DNAJC11: variants seen among roughly 807,000 people sequenced by gnomAD.
DNAJC11 encodes DnaJ heat shock protein family (Hsp40) member C11, also known as dnaJ homolog subfamily C member 11.
A neutral mutation model predicts 78.6 loss-of-function variants in DNAJC11; 15 were observed. The ratio of observed to expected loss-of-function variants is 0.19; its 90% CI spans 0.13 to 0.29. The LOEUF is 0.29. Among genes scored for constraint, DNAJC11 ranks in the 10% least tolerant of loss-of-function variants. DNAJC11 has a pLI of 1.00. For missense variants in DNAJC11, 547 were observed against 709.6 expected, an observed-to-expected ratio of 0.77 and a Z score of 2.60; for synonymous variants, 292 against 272.1, an observed-to-expected ratio of 1.07 and a Z score of -0.72.
chr1:6,681,234 T>C (rs1349727242), intron 1 of DNAJC11, among the ~76,000 whole-genome samples, 197 bp from the exon 2 acceptor site: 1 of 152,138 alleles, frequency 6.6e-6, no homozygotes, highest in Admixed American at 6.5e-5. Flanking sequence ...ATTACATACA[T>C]CAATAGGGAC....
chr1:6,638,643 A>G (rs1016249394), intron 11 of DNAJC11, among the ~76,000 whole-genome samples: 4 of 152,178 alleles, frequency 2.6e-5, no homozygotes, highest in African/African-American at 9.7e-5. Context: ...ACCCCACCAC[A>G]GGAGAATTTC....
Position 6,637,270 on chromosome 1 carries a change from C to T in DNAJC11, c.1452G>A (p.Lys484=). 2 of 1,614,190 alleles carry T rather than the reference C, an allele frequency of 1.2e-6. No homozygotes were observed. Among genetic ancestry groups the T allele is most frequent in the Non-Finnish European group, 1.7e-6 (2 of 1,180,038 alleles). ...NDKSRKSEKV[K]VIDVTVPLQC... Reference sequence around the variant, plus strand: ...GCAGGGGCACAGTCACGTCAATCACCTTCACCTTCTCGCTCTTCCTGCTCT... The same window carrying T: ...GCAGGGGCACAGTCACGTCAATCACTTTCACCTTCTCGCTCTTCCTGCTCT... The change falls in exon 14 of 16, where the codon AAG becomes AAA. Residue 484 remains lysine, a synonymous_variant. Transcript: ENST00000377577.
At chr1:6,663,431 TCCACA>T (rs1444823379) in intron 4 of DNAJC11, among the ~76,000 whole-genome samples, 1 of 151,826 alleles carries the variant, frequency 6.6e-6, no homozygotes, top group Non-Finnish European at 1.5e-5. Flanking sequence ...GTGGCTGCCC[TCCACA>T]GAGGGAGAAG....
At chr1:6,698,389 C>T (rs1175958525) in intron 1 of DNAJC11, among the ~76,000 whole-genome samples, 1 of 152,138 alleles carries the variant, frequency 6.6e-6, no homozygotes, top group Non-Finnish European at 1.5e-5. Flanking sequence ...TTCAACTTCA[C>T]GTTTGATTTC....
Position 6,680,806 on chromosome 1 carries a change from T to C in DNAJC11, c.202+102A>G. On this transcript the variant is annotated intron_variant, in intron 2 of 15. Coordinates refer to ENST00000377577, the MANE Select transcript of DNAJC11 (RefSeq NM_018198.4). The surrounding 1 kb of genome is among the most constrained non-coding windows in gnomAD (Gnocchi z 4.0). ...TACTAAACTAACCACCTGTTTTATA[T>C]ACCTCTAAGGACTCTCTTTTTCTAT... The C allele has an allele frequency of 7.1e-7, 1 of 1,409,280 alleles. No individual in the cohort carries two copies. Among genetic ancestry groups the C allele is most frequent in the South Asian group, 1.4e-5 (1 of 69,680 alleles). The allele number at this position is 1,409,280 out of a possible 1,614,324, so 87.3% of individuals were successfully genotyped here.
At chr1:6,701,491 C>T (rs551165182) in intron 1 of DNAJC11, among the ~76,000 whole-genome samples, 2 of 152,222 alleles carry the variant, frequency 1.3e-5, no homozygotes, top group Non-Finnish European at 2.9e-5. Context: ...ACACAGTGCA[C>T]GCGGCGCACT....
At chr1:6,689,725 G>A (rs1237707981) in intron 1 of DNAJC11, among the ~76,000 whole-genome samples, 4 of 151,474 alleles carry the variant, frequency 2.6e-5, no homozygotes, top group Admixed American at 2.0e-4. Flanking sequence ...GTGGTGAGCT[G>A]AGATTGCACC....
intron 4 of DNAJC11, among the ~76,000 whole-genome samples, chr1:6,658,314 G>A (rs1049591233): frequency 2.6e-5 from 4 of 152,238 alleles, no homozygotes; most frequent in African/African-American, 7.2e-5. Context: ...GGAAACGAAT[G>A]AGACAATTAC....
chr1:6,655,602 C>T (rs1642114366), intron 4 of DNAJC11, among the ~76,000 whole-genome samples: 2 of 152,090 alleles, frequency 1.3e-5, no homozygotes, highest in Non-Finnish European at 2.9e-5. Flanking sequence ...GGAGTGGGAT[C>T]ACCTGAGGTC....
intron 3 of DNAJC11, among the ~76,000 whole-genome samples, chr1:6,668,540 C>T (rs1225077927): frequency 1.3e-5 from 2 of 152,126 alleles, no homozygotes; most frequent in South Asian, 2.1e-4. Flanking sequence ...CTGAGACAAT[C>T]GCTAGAGACT....
intron 4 of DNAJC11, among the ~76,000 whole-genome samples, chr1:6,658,372 A>G (rs1006087014): frequency 2.6e-5 from 4 of 152,232 alleles, no homozygotes; most frequent in South Asian, 4.1e-4. Flanking sequence ...TAATCCTGGT[A>G]TATGATCTGG....
At chr1:6,688,148 C>T (rs1642686628) in intron 1 of DNAJC11, among the ~76,000 whole-genome samples, 1 of 152,118 alleles carries the variant, frequency 6.6e-6, no homozygotes, top group African/African-American at 2.4e-5. Context: ...AAAGGACAAG[C>T]CCAGCGAAAG....
chr1:6,659,887 C>T (rs1367724418), intron 4 of DNAJC11, among the ~76,000 whole-genome samples: 4 of 151,974 alleles, frequency 2.6e-5, no homozygotes, highest in Non-Finnish European at 5.9e-5. Context: ...GAAACCCCGC[C>T]TCTACTAAAA....
chr1:6,673,919 A>C (rs1642419811), intron 3 of DNAJC11, among the ~76,000 whole-genome samples: 2 of 152,254 alleles, frequency 1.3e-5, no homozygotes, highest in African/African-American at 4.8e-5. Context: ...TAAATAATGT[A>C]AAGGACTGCA....
intron 10 of DNAJC11, among the ~76,000 whole-genome samples, chr1:6,643,934 G>A (rs1287541758): frequency 6.6e-6 from 1 of 151,814 alleles, no homozygotes; most frequent in African/African-American, 2.4e-5. Context: ...GCAATGGAGC[G>A]ATCCTGGCTC....
At chr1:6,669,730 C>T (rs555128626) in intron 3 of DNAJC11, among the ~76,000 whole-genome samples, 157 of 151,636 alleles carry the variant, frequency 1.0e-3, no homozygotes, top group African/African-American at 3.4e-3. Flanking sequence ...TTGTGTGCAC[C>T]GGTGAGAAAC....
intron 4 of DNAJC11, among the ~76,000 whole-genome samples, chr1:6,655,330 T>G (rs6577584): frequency 0.36 from 54,196 of 152,104 alleles, 9,985 homozygotes; most frequent in African/African-American, 0.42. Flanking sequence ...ACCCATGGAC[T>G]AGAAACATCC....
At chr1:6,687,541 T>C (rs551950336) in intron 1 of DNAJC11, among the ~76,000 whole-genome samples, 1 of 152,134 alleles carries the variant, frequency 6.6e-6, no homozygotes, top group Admixed American at 6.5e-5. Flanking sequence ...TATTTGTTAG[T>C]AGAGACGGGG....
At chr1:6,684,493 T>C (rs896895413) in intron 1 of DNAJC11, among the ~76,000 whole-genome samples, 6 of 152,238 alleles carry the variant, frequency 3.9e-5, no homozygotes, top group Non-Finnish European at 2.9e-5. Flanking sequence ...TATTTCCTGG[T>C]TATTAAAATT....
Sources: allele counts gnomAD v4.1 joint callset (sites outside exome capture counted in the v4.1 genomes callset), GRCh38; gene constraint gnomAD v4.1.1; non-coding constraint Gnocchi (gnomAD v3.1); transcripts MANE v1.5; gene names NCBI Gene and HGNC (gene_info 2026-07-23, HGNC 2026-07-21).